ADCY2: variants seen among roughly 807,000 people sequenced by gnomAD.
The protein encoded by ADCY2 is adenylate cyclase type 2.
In ADCY2, 31 loss-of-function variants were observed where a neutral mutation model predicts 125.2. The ratio of observed to expected loss-of-function variants is 0.25; its 90% CI spans 0.19 to 0.33. The LOEUF is 0.33. ADCY2 is among the 10% of genes least tolerant of loss of function. The pLI is 1.00. For missense variants in ADCY2, 904 were observed against 1,418.2 expected (o/e 0.64, Z 5.82); for synonymous variants, 512 against 548.4 (o/e 0.93, Z 0.93).
intron 3 of ADCY2, among the ~76,000 whole-genome samples, chr5:7,552,102 A>G (rs927702603): frequency 6.6e-6 from 1 of 152,182 alleles, no homozygotes; most frequent in Non-Finnish European, 1.5e-5. Flanking sequence ...TTTTTAATAG[A>G]CCTATCGATT....
chr5:7,665,984 A>G (rs200722405), intron 4 of ADCY2, among the ~76,000 whole-genome samples: 41,230 of 140,346 alleles, frequency 0.29, 6,120 homozygotes, highest in Admixed American at 0.46. Flanking sequence ...GACTACAGGC[A>G]CCCGCCACTA....
At chr5:7,682,665 C>T (rs1203557570) in intron 4 of ADCY2, among the ~76,000 whole-genome samples, 3 of 152,144 alleles carry the variant, frequency 2.0e-5, no homozygotes. Context: ...AGTCTGTGCC[C>T]CTCTGGACAG....
At chr5:7,658,691 C>G (rs936495255) in intron 4 of ADCY2, among the ~76,000 whole-genome samples, 1 of 152,078 alleles carries the variant, frequency 6.6e-6, no homozygotes, top group African/African-American at 2.4e-5. Context: ...TCCAGAGACA[C>G]AACCAATAAA....
At chr5:7,721,711 G>A (rs567630126) in intron 12 of ADCY2, among the ~76,000 whole-genome samples, 53 of 152,266 alleles carry the variant, frequency 3.5e-4, no homozygotes, top group African/African-American at 1.2e-3. Flanking sequence ...GGTTGTAGAT[G>A]TGTGTATTAT....
chr5:7,452,217 A>G (rs114479865), intron 2 of ADCY2, among the ~76,000 whole-genome samples: 2,877 of 152,070 alleles, frequency 0.019, 85 homozygotes, highest in African/African-American at 0.066. Flanking sequence ...CCGGCCCCCA[A>G]TGTGTAGTTT....
intron 14 of ADCY2, among the ~76,000 whole-genome samples, chr5:7,736,908 C>T (rs749096530): frequency 1.3e-4 from 20 of 151,914 alleles, no homozygotes; most frequent in Non-Finnish European, 2.6e-4. Context: ...TTCCATAATC[C>T]CTTGTTCCAT....
At chr5:7,636,692 T>C (rs1318219324) in intron 4 of ADCY2, among the ~76,000 whole-genome samples, 3 of 152,158 alleles carry the variant, frequency 2.0e-5, no homozygotes, top group Admixed American at 6.5e-5. Flanking sequence ...CCAGAGAGAA[T>C]GGTTCAATAG....
intron 3 of ADCY2, among the ~76,000 whole-genome samples, chr5:7,602,220 C>T (rs1360955832): frequency 6.6e-6 from 1 of 152,160 alleles, no homozygotes; most frequent in Non-Finnish European, 1.5e-5. Flanking sequence ...TCCAAGTGGA[C>T]ATAATTTTTG....
intron 3 of ADCY2, among the ~76,000 whole-genome samples, chr5:7,559,247 T>A (rs1735631649): frequency 6.6e-6 from 1 of 152,214 alleles, no homozygotes; most frequent in East Asian, 1.9e-4. Context: ...TAGCAATGAA[T>A]CTATAAATGG....
chr5:7,754,991 C>T (rs1329999489), intron 15 of ADCY2, among the ~76,000 whole-genome samples: 2 of 152,190 alleles, frequency 1.3e-5, no homozygotes, highest in African/African-American at 2.4e-5. Context: ...GATAACCATT[C>T]GTGGGTGGAT....
chr5:7,652,157 G>A (rs1438702021), intron 4 of ADCY2, among the ~76,000 whole-genome samples: 1 of 152,172 alleles, frequency 6.6e-6, no homozygotes, highest in Non-Finnish European at 1.5e-5. Flanking sequence ...CTGAGCAGGA[G>A]ATATGTCAAC....
At position 7,804,567 on chromosome 5, in the gene ADCY2, G is replaced by C. The variant is rs374464583; in HGVS notation, c.2776-18G>C. ...CAGCATCCAGCTGAGTAACTGGACG[G>C]TTGTCATTGCTTCACAGCTTCTTTC... On this transcript the variant is annotated intron_variant, in intron 21 of 24. Coordinates refer to ENST00000338316, the MANE Select transcript of ADCY2 (RefSeq NM_020546.3). 6.2e-7 allele frequency: 1 copy of C among 1,600,186 alleles called. No individual in the cohort carries two copies. Among genetic ancestry groups the C allele is most frequent in the African/African-American group, 1.3e-5 (1 of 74,706 alleles).
At chr5:7,534,467 A>C (rs1196913639) in intron 3 of ADCY2, among the ~76,000 whole-genome samples, 1 of 152,242 alleles carries the variant, frequency 6.6e-6, no homozygotes, top group Non-Finnish European at 1.5e-5. Context: ...TCTGAACCTC[A>C]AACTCTAGAC....
chr5:7,681,343 A>G (rs1740328833), intron 4 of ADCY2, among the ~76,000 whole-genome samples: 1 of 152,156 alleles, frequency 6.6e-6, no homozygotes, highest in Admixed American at 6.5e-5. Context: ...CAGGCACAAT[A>G]TTTAAAGGCT....
intron 3 of ADCY2, among the ~76,000 whole-genome samples, chr5:7,565,359 T>C (rs1735857055): frequency 6.6e-6 from 1 of 152,240 alleles, no homozygotes; most frequent in Non-Finnish European, 1.5e-5. Context: ...CAGAATTGAG[T>C]AGTTCTCATT....
chr5:7,747,587 G>A (rs988761049), intron 15 of ADCY2, among the ~76,000 whole-genome samples: 6 of 152,136 alleles, frequency 3.9e-5, no homozygotes, highest in African/African-American at 4.8e-5. Flanking sequence ...CCTTCATCAC[G>A]CTGCGTCAAA....
At chr5:7,591,379 T>C (rs1736845616) in intron 3 of ADCY2, among the ~76,000 whole-genome samples, 1 of 152,202 alleles carries the variant, frequency 6.6e-6, no homozygotes, top group African/African-American at 2.4e-5. Context: ...ACATTTATGA[T>C]TCTGCACATG....
In ADCY2 at chr5:7,439,950, G is replaced by A. The variant is rs1338595477; in HGVS notation, c.408+25180G>A. Among the ~76,000 whole-genome samples, 5 of 152,046 alleles carry A rather than the reference G, an allele frequency of 3.3e-5. No homozygotes were observed. In the East Asian group the frequency reaches 9.7e-4, roughly 29 times the overall value. On this transcript the variant is annotated intron_variant, in intron 2 of 24. Coordinates refer to ENST00000338316, the MANE Select transcript of ADCY2 (RefSeq NM_020546.3). ...AGGAGAGTTCAGAGCTCAAGAGAAA[G>A]GTTGTTTTAAAAGTAAACCTGCGAT...
chr5:7,817,919 A>AT (rs917469089), intron 23 of ADCY2, among the ~76,000 whole-genome samples: 17 of 147,108 alleles, frequency 1.2e-4, no homozygotes, highest in Non-Finnish European at 1.8e-4. Flanking sequence ...CTTTAAGTTG[A>AT]TTTTTTTTAG....
Sources: allele counts gnomAD v4.1 joint callset (sites outside exome capture counted in the v4.1 genomes callset), GRCh38; gene constraint gnomAD v4.1.1; transcripts MANE v1.5; gene names NCBI Gene and HGNC (gene_info 2026-07-23, HGNC 2026-07-21).